ADGRB1: variants seen among roughly 807,000 people sequenced by gnomAD.
ADGRB1 encodes the protein adhesion G protein-coupled receptor B1, also known as brain-specific angiogenesis inhibitor 1.
Under a neutral mutation model 175.7 loss-of-function variants are expected in ADGRB1, and 36 were observed. That is an observed-to-expected ratio of 0.20 (90% CI 0.16 to 0.27). The LOEUF (loss-of-function observed/expected upper bound fraction) is 0.27, where lower values mean the gene tolerates loss of function less well. Among genes scored for constraint, ADGRB1 ranks in the 10% least tolerant of loss-of-function variants. The pLI is 1.00. For synonymous variants in ADGRB1, 1,054 were observed against 979.4 expected, an observed-to-expected ratio of 1.08 and a Z score of -1.42; for missense variants, 1,731 against 2,255.3, an observed-to-expected ratio of 0.77 and a Z score of 4.71.
At chr8:142,508,609 G>C (rs1842943340) in intron 17 of ADGRB1, among the ~76,000 whole-genome samples, 1 of 152,208 alleles carries the variant, frequency 6.6e-6, no homozygotes, top group Non-Finnish European at 1.5e-5. Flanking sequence ...CCTGTGTTGC[G>C]GACGCAGAAC....
chr8:142,505,108 C>T (rs1230218774), intron 17 of ADGRB1, among the ~76,000 whole-genome samples: 2 of 152,146 alleles, frequency 1.3e-5, no homozygotes, highest in Non-Finnish European at 2.9e-5. Flanking sequence ...CGTCACTGTC[C>T]CCTTGTGTCC....
intron 16 of ADGRB1, among the ~76,000 whole-genome samples, chr8:142,489,979 TG>T (rs896069264): frequency 2.0e-5 from 3 of 152,152 alleles, no homozygotes; most frequent in Non-Finnish European, 4.4e-5. Flanking sequence ...AGCCCTTCCT[TG>T]GGCCTCAGAG....
Position 142,542,479 on chromosome 8 carries a change from GC to G in ADGRB1, c.4250del (p.Pro1417HisfsTer51). ...CCCCTGCCCAGCCCCCACCGCCTCCGCCCCCACCGCCACCACCTCCCCAGCA... is the reference window on the plus strand; with the variant it reads ...CCCCTGCCCAGCCCCCACCGCCTCCGCCCCACCGCCACCACCTCCCCAGCA... ...APPAQPPPPP[P>X]PPPPPPQQPL... On this transcript the variant is annotated frameshift_variant, in exon 28 of 31. Transcript: ENST00000517894. LOFTEE classifies it high-confidence loss of function. The surrounding 1 kb of genome is among the most constrained non-coding windows in gnomAD (Gnocchi z 6.3). The G allele has an allele frequency of 3.2e-6, 2 of 629,074 alleles. No homozygotes were observed. The highest frequency in any genetic ancestry group is 4.1e-6 in the Non-Finnish European group (2 of 482,950). The allele number at this position is 629,074 out of a possible 1,614,324, so 39.0% of individuals were successfully genotyped here.
rs778737170 is a variant in ADGRB1, at chr8:142,479,314, G to A, written c.1562-9G>A. On this transcript the variant is annotated splice_polypyrimidine_tract_variant and intron_variant, in intron 7 of 30. Coordinates refer to ENST00000517894, the MANE Select transcript of ADGRB1 (RefSeq NM_001702.3). ...TCGCCTGTGCCCTGTGTCTGGCCAC[G>A]CCCCGCAGTGGATGGCAAGTGGCAG... The A allele has an allele frequency of 2.1e-5, 32 of 1,489,114 alleles. No homozygotes were observed. Among genetic ancestry groups the A allele is most frequent in the South Asian group, 1.9e-4 (14 of 72,172 alleles). 92.2% of individuals were successfully genotyped at this position (1,489,114 alleles called of 1,614,324 possible).
chr8:142,543,263 G>A lies in ADGRB1; in HGVS notation c.4414-140G>A, dbSNP rs910063970. ...AGGAGCTGCCTCAGTGCGCCCCCAGGCATGTCCCCTGGGTCTGGCCTGGTC... is the reference window on the plus strand; with the variant it reads ...AGGAGCTGCCTCAGTGCGCCCCCAGACATGTCCCCTGGGTCTGGCCTGGTC... On this transcript the variant is annotated intron_variant, in intron 28 of 30. Transcript: ENST00000517894. The surrounding 1 kb of genome is among the most constrained non-coding windows in gnomAD (Gnocchi z 4.4). The A allele has an allele frequency of 4.4e-6, 5 of 1,140,406 alleles. No individual in the cohort carries two copies. In the African/African-American group the frequency reaches 4.6e-5, roughly 11 times the overall value. The allele number at this position is 1,140,406 out of a possible 1,614,324, so 70.6% of individuals were successfully genotyped here.
chr8:142,487,616 T>C (rs1841737433), intron 13 of ADGRB1, among the ~76,000 whole-genome samples: 1 of 152,108 alleles, frequency 6.6e-6, no homozygotes, highest in African/African-American at 2.4e-5. Context: ...CAGGGCCAGG[T>C]TCCCCCAGAA....
intron 16 of ADGRB1, among the ~76,000 whole-genome samples, chr8:142,490,569 G>A (rs1462486067): frequency 2.0e-5 from 3 of 152,200 alleles, no homozygotes; most frequent in Non-Finnish European, 2.9e-5. Context: ...TGGGTGGTGG[G>A]GGCTTGTGCC....
At chr8:142,469,658 A>AGTGCGTGTGTGTGCACGTGAAT (rs1432350647) in intron 2 of ADGRB1, among the ~76,000 whole-genome samples, 2 of 141,234 alleles carry the variant, frequency 1.4e-5, no homozygotes, top group Admixed American at 7.0e-5. Flanking sequence ...TGTGAACGCA[A>AGTGCGTGTGTGTGCACGTGAAT]GTGCGTGTGT....
chr8:142,535,174 G>A (rs1321642183), intron 25 of ADGRB1, among the ~76,000 whole-genome samples: 1 of 152,208 alleles, frequency 6.6e-6, no homozygotes, highest in Non-Finnish European at 1.5e-5. Context: ...CAAACAATTA[G>A]GCAAATCCCC....
At chr8:142,516,065 C>A (rs192998766) in intron 18 of ADGRB1, among the ~76,000 whole-genome samples, 1 of 152,188 alleles carries the variant, frequency 6.6e-6, no homozygotes, top group East Asian at 1.9e-4. Context: ...CAGCTGGAGC[C>A]GTGGCACCTG....
At position 142,474,298 on chromosome 8, in the gene ADGRB1, CCA is replaced by C. The variant is rs1346246848; in HGVS notation, c.785-1175_785-1174del. Among the ~76,000 whole-genome samples, 5 of 152,278 alleles carry C rather than the reference CCA, an allele frequency of 3.3e-5. No individual in the cohort carries two copies. In the East Asian group the frequency reaches 7.7e-4, roughly 24 times the overall value. On this transcript the variant is annotated intron_variant, in intron 2 of 30. Coordinates refer to ENST00000517894, the MANE Select transcript of ADGRB1 (RefSeq NM_001702.3). This position sits in a 1 kb window ranked among gnomAD's most constrained non-coding sequence, Gnocchi z 5.8. Reference sequence around the variant, plus strand: ...TACCTGGGATCGAGCTGCCGGATCCCCAGTGTTCCCCAGTGGCAGCGGCCCCA... The same window carrying C: ...TACCTGGGATCGAGCTGCCGGATCCCGTGTTCCCCAGTGGCAGCGGCCCCA...
intron 17 of ADGRB1, among the ~76,000 whole-genome samples, chr8:142,495,534 T>G (rs890149442): frequency 1.3e-5 from 2 of 152,164 alleles, no homozygotes; most frequent in African/African-American, 4.8e-5. Context: ...AAAGTGTTAG[T>G]AGGGCCATGC....
Position 142,541,937 on chromosome 8 carries a change from G to A in ADGRB1, c.3707-4G>A, listed in dbSNP as rs1255676505. 6.5e-7 allele frequency: 1 copy of A among 1,543,880 alleles called. No homozygotes were observed. The highest frequency in any genetic ancestry group is 8.7e-7 in the Non-Finnish European group (1 of 1,147,506). ...CCCCGCTGTCTCCCCCGCGGCCCCT[G>A]CAGTGCTGAACAAGGACATCGCGGC... On this transcript the variant is annotated splice_region_variant and splice_polypyrimidine_tract_variant and intron_variant, in intron 27 of 30. Coordinates refer to ENST00000517894, the MANE Select transcript of ADGRB1 (RefSeq NM_001702.3).
chr8:142,518,175 T>C lies in ADGRB1; in HGVS notation c.2855T>C (p.Ile952Thr). Residue 952 changes from isoleucine to threonine, a missense_variant, in exon 19 of 31, where the codon ATC becomes ACC. Ile to Thr is a moderately conservative substitution (Grantham distance 89). Coordinates refer to ENST00000517894, the MANE Select transcript of ADGRB1 (RefSeq NM_001702.3). Reference protein sequence around the residue: ...EKATLPSVTLIVGCGVSSLTL... With the variant: ...EKATLPSVTLTVGCGVSSLTL... ...GCGACTCTGCCGTCGGTGACGCTCATCGTGGGCTGTGGCGTGTCCTCTCTC... is the reference window on the plus strand; with the variant it reads ...GCGACTCTGCCGTCGGTGACGCTCACCGTGGGCTGTGGCGTGTCCTCTCTC... 4 of 1,613,800 alleles carry C rather than the reference T, an allele frequency of 2.5e-6. No homozygotes were observed. Among genetic ancestry groups the C allele is most frequent in the Non-Finnish European group, 3.4e-6 (4 of 1,179,802 alleles).
rs896494834 is a variant in ADGRB1 at position 142,542,102 on chromosome 8, G to C, written c.3868G>C (p.Gly1290Arg). 6.2e-7 allele frequency: 1 copy of C among 1,613,282 alleles called. No individual in the cohort carries two copies. Among genetic ancestry groups the C allele is most frequent in the African/African-American group, 1.3e-5 (1 of 74,930 alleles). ...CAACGTGTCCAAGCTGCACCTGCAC[G>C]GCTCACCCCGCTATCCCGGCGGGCC... is the stretch of plus-strand genomic sequence containing the variant. ...PANVSKLHLH[G>R]SPRYPGGPLP... is the part of the protein sequence containing the mutation. Residue 1290 changes from glycine (G) to arginine (R), a missense_variant, in exon 28 of 31, where the codon GGC becomes CGC. Transcript: ENST00000517894. The surrounding 1 kb of genome is among the most constrained non-coding windows in gnomAD (Gnocchi z 6.3).
In ADGRB1 at chr8:142,455,538, C is replaced by T. The variant is rs927686309; in HGVS notation, c.-220+5434C>T. ...GCAGCCCACCAGGCAACTGGGCTGT[C>T]CCGGCCCAGCACAGCTGAGGTCAGG... On this transcript the variant is annotated intron_variant, in intron 1 of 30. Transcript: ENST00000517894. This position sits in a 1 kb window ranked among gnomAD's most constrained non-coding sequence, Gnocchi z 4.9. Among the ~76,000 whole-genome samples, 2 of 152,168 alleles carry T rather than the reference C, an allele frequency of 1.3e-5. No individual in the cohort carries two copies. The highest frequency in any genetic ancestry group is 2.4e-5 in the African/African-American group (1 of 41,442).
intron 13 of ADGRB1, among the ~76,000 whole-genome samples, chr8:142,485,409 C>T (rs193002257): frequency 3.9e-4 from 60 of 152,362 alleles, no homozygotes; most frequent in Admixed American, 1.6e-3. Flanking sequence ...GCAGAGGACC[C>T]AGGAGTGGGT....
At chr8:142,513,235 C>T (rs1255769435) in intron 18 of ADGRB1, among the ~76,000 whole-genome samples, 1 of 152,190 alleles carries the variant, frequency 6.6e-6, no homozygotes, top group South Asian at 2.1e-4. Flanking sequence ...GTGTCCTCAT[C>T]TGTGAGATGG....
At chr8:142,513,603 A>G (rs1414012642) in intron 18 of ADGRB1, among the ~76,000 whole-genome samples, 1 of 152,096 alleles carries the variant, frequency 6.6e-6, no homozygotes, top group Non-Finnish European at 1.5e-5. Flanking sequence ...AGATGTGTGC[A>G]CACAGAGGTC....
Sources: allele counts gnomAD v4.1 joint callset (sites outside exome capture counted in the v4.1 genomes callset), GRCh38; gene constraint gnomAD v4.1.1; non-coding constraint Gnocchi (gnomAD v3.1); transcripts MANE v1.5; gene names NCBI Gene and HGNC (gene_info 2026-07-23, HGNC 2026-07-21).